CTNNA3: variants seen among roughly 807,000 people sequenced by gnomAD.
The protein encoded by CTNNA3 is catenin alpha-3.
Under a neutral mutation model 95.7 loss-of-function variants are expected in CTNNA3, and 76 were observed. The observed-to-expected ratio is 0.79, with a 90% CI of 0.66 to 0.96. The LOEUF (loss-of-function observed/expected upper bound fraction) is 0.96. Among genes scored for constraint, CTNNA3 ranks in the 40% least tolerant of loss-of-function variants. The pLI, the probability that CTNNA3 is intolerant of heterozygous loss-of-function variation, is 0.00. For missense variants in CTNNA3, 1,191 were observed against 1,089.8 expected (o/e 1.09, Z -1.31); for synonymous variants, 431 against 374.4 (o/e 1.15, Z -1.74).
intron 1 of CTNNA3, among the ~76,000 whole-genome samples, chr10:67,670,844 T>C (rs1325597582): frequency 6.6e-6 from 1 of 152,228 alleles, no homozygotes; most frequent in Non-Finnish European, 1.5e-5. Flanking sequence ...TTTTTTTACA[T>C]ATGCTATATA....
At chr10:67,248,392 T>C (rs10997594) in intron 5 of CTNNA3, among the ~76,000 whole-genome samples, 33,433 of 151,948 alleles carry the variant, frequency 0.22, 6,636 homozygotes, top group African/African-American at 0.54. Flanking sequence ...GGATTCTTTT[T>C]TCGTGTTTTT....
intron 16 of CTNNA3, among the ~76,000 whole-genome samples, chr10:65,983,318 A>G (rs1427907986): frequency 6.6e-6 from 1 of 151,628 alleles, no homozygotes. Flanking sequence ...CTTTTAGCAG[A>G]TGCTAATTTT....
In CTNNA3 at chr10:66,404,814, T is replaced by C. The variant is rs78184651; in HGVS notation, c.1532-25462A>G. On this transcript the variant is annotated intron_variant, in intron 11 of 17. Transcript: ENST00000433211. Reference sequence around the variant, plus strand: ...TTTTCACATAGTCTATCATTAGTATTAGTGTATTTTATGTGTGGCCCAACA... The same window carrying C: ...TTTTCACATAGTCTATCATTAGTATCAGTGTATTTTATGTGTGGCCCAACA... Among the ~76,000 whole-genome samples, 86 of 151,836 alleles carry C rather than the reference T, an allele frequency of 5.7e-4. No homozygotes were observed. In the East Asian group the frequency reaches 0.013, roughly 22 times the overall value.
intron 11 of CTNNA3, among the ~76,000 whole-genome samples, chr10:66,475,376 A>G (rs1014743371): frequency 2.0e-5 from 3 of 151,984 alleles, no homozygotes; most frequent in Admixed American, 6.6e-5. Flanking sequence ...TCTCTTGTAC[A>G]TTTGTTTAAG....
intron 12 of CTNNA3, among the ~76,000 whole-genome samples, chr10:66,350,001 C>A (rs1422399154): frequency 6.6e-6 from 1 of 152,014 alleles, no homozygotes; most frequent in Non-Finnish European, 1.5e-5. Flanking sequence ...TTCAACTGCA[C>A]AGGAATCACA....
chr10:67,593,939 C>T (rs538296262), intron 3 of CTNNA3, among the ~76,000 whole-genome samples: 3 of 152,096 alleles, frequency 2.0e-5, no homozygotes, highest in East Asian at 3.9e-4. Flanking sequence ...ACCTTTGATG[C>T]CTAGTTTGTT....
chr10:66,753,555 G>A (rs1042894849), intron 9 of CTNNA3, among the ~76,000 whole-genome samples: 10 of 151,654 alleles, frequency 6.6e-5, no homozygotes, highest in Admixed American at 1.3e-4. Context: ...CCAGCTACTC[G>A]GGAGGCTGAG....
intron 12 of CTNNA3, among the ~76,000 whole-genome samples, chr10:66,334,422 G>C (rs1366196389): frequency 1.3e-5 from 2 of 151,668 alleles, no homozygotes; most frequent in Non-Finnish European, 2.9e-5. Context: ...GTCACCACCA[G>C]GCCTGGTGGT....
At chr10:67,522,059 C>T (rs1840004756) in intron 4 of CTNNA3, 98 bp from the exon 5 acceptor site, 1 of 1,204,694 alleles carries the variant, frequency 8.3e-7, no homozygotes. Flanking sequence ...GCCTCAGTTT[C>T]TCCCATTCAT....
Position 66,169,985 on chromosome 10 carries a change from C to A in CTNNA3, c.1885-66736G>T, listed in dbSNP as rs985452861. Among the ~76,000 whole-genome samples the A allele has an allele frequency of 3.3e-5, 5 of 152,144 alleles. No homozygotes were observed. In the East Asian group the frequency reaches 9.7e-4, roughly 29 times the overall value. On this transcript the variant is annotated intron_variant, in intron 13 of 17. Transcript: ENST00000433211. ...CTCTGTGGGTTGTTTATTTACTCTG[C>A]TGACTATTTCTTTTTCTGTGCAAAA... is the stretch of plus-strand genomic sequence containing the variant.
At chr10:66,754,680 T>C (rs900108497) in intron 9 of CTNNA3, among the ~76,000 whole-genome samples, 1 of 152,090 alleles carries the variant, frequency 6.6e-6, no homozygotes, top group Non-Finnish European at 1.5e-5. Flanking sequence ...GATATTTCTA[T>C]TAAAAAGGTA....
At chr10:67,515,269 G>C (rs1839776573) in intron 5 of CTNNA3, among the ~76,000 whole-genome samples, 1 of 152,132 alleles carries the variant, frequency 6.6e-6, no homozygotes, top group South Asian at 2.1e-4. Flanking sequence ...TGATCAAATG[G>C]CTATTGCAAA....
At chr10:66,299,774 A>G (rs892498953) in intron 12 of CTNNA3, among the ~76,000 whole-genome samples, 2 of 152,364 alleles carry the variant, frequency 1.3e-5, no homozygotes, top group South Asian at 4.1e-4. Context: ...AATAAAAATC[A>G]GATTGAATAT....
chr10:67,529,841 T>C (rs923411305), intron 4 of CTNNA3, among the ~76,000 whole-genome samples: 37 of 152,186 alleles, frequency 2.4e-4, no homozygotes, highest in Admixed American at 6.5e-4. Context: ...AAATCTCATC[T>C]TGAATTGTAA....
intron 13 of CTNNA3, among the ~76,000 whole-genome samples, chr10:66,174,581 T>C (rs573202876): frequency 6.6e-6 from 1 of 152,164 alleles, no homozygotes; most frequent in Admixed American, 6.5e-5. Flanking sequence ...TCCACTTATA[T>C]GTCAACTTTT....
chr10:66,425,098 A>AT (rs1214511286), intron 11 of CTNNA3, among the ~76,000 whole-genome samples: 11 of 126,450 alleles, frequency 8.7e-5, no homozygotes, highest in Admixed American at 5.5e-4. Flanking sequence ...TTTTATGAAA[A>AT]TATATTGTTA....
intron 13 of CTNNA3, among the ~76,000 whole-genome samples, chr10:66,272,786 C>T (rs889019290): frequency 1.3e-5 from 2 of 152,126 alleles, no homozygotes; most frequent in Non-Finnish European, 2.9e-5. Flanking sequence ...AATCTTCAGA[C>T]ACAATTAATA....
intron 10 of CTNNA3, among the ~76,000 whole-genome samples, chr10:66,607,025 A>G (rs1229814692): frequency 2.0e-5 from 3 of 152,074 alleles, no homozygotes; most frequent in African/African-American, 7.2e-5. Context: ...AGTTAGATAG[A>G]CATCTAGCTA....
At chr10:66,235,272 CTTCT>C (rs1488964359) in intron 13 of CTNNA3, among the ~76,000 whole-genome samples, 1 of 151,924 alleles carries the variant, frequency 6.6e-6, no homozygotes, top group Non-Finnish European at 1.5e-5. Flanking sequence ...AATTGTGCTG[CTTCT>C]TTATTTCATG....
Sources: allele counts gnomAD v4.1 joint callset (sites outside exome capture counted in the v4.1 genomes callset), GRCh38; gene constraint gnomAD v4.1.1; transcripts MANE v1.5; gene names NCBI Gene and HGNC (gene_info 2026-07-23, HGNC 2026-07-21).